The following GPC6 variants were observed in gnomAD, a reference collection of about 807,000 sequenced individuals.
GPC6 encodes glypican-6.
Under a neutral mutation model 55.2 loss-of-function variants are expected in GPC6, and 14 were observed. The ratio of observed to expected loss-of-function variants is 0.25; its 90% CI spans 0.17 to 0.40. GPC6 has a LOEUF of 0.40. Among genes scored for constraint, GPC6 ranks in the 10% least tolerant of loss-of-function variants. GPC6 has a pLI of 1.00. For missense variants in GPC6, 641 were observed against 708.5 expected (o/e 0.90, Z 1.08); for synonymous variants, 278 against 259.6 (o/e 1.07, Z -0.68).
intron 1 of GPC6, among the ~76,000 whole-genome samples, chr13:93,420,261 T>A (rs79474162): frequency 0.02 from 3,055 of 152,304 alleles, 118 homozygotes; most frequent in African/African-American, 0.069. Context: ...ATATATGTAT[T>A]CAAATGAAAA....
chr13:94,381,565 A>G lies in GPC6; in HGVS notation c.1153-849A>G, dbSNP rs184270370. Among the ~76,000 whole-genome samples, 683 of 152,272 alleles carry G rather than the reference A, an allele frequency of 4.5e-3. 2 individuals are homozygous for G. Among genetic ancestry groups the G allele is most frequent in the South Asian group, 0.01 (50 of 4,830 alleles). ...ACTTCTTTAGCTCTGTCATGACCCT[A>G]TCTCAAAATAAAGTCACATTCTGAG... On this transcript the variant is annotated intron_variant, in intron 6 of 8. Transcript: ENST00000377047.
chr13:93,435,633 G>A (rs1877543677), intron 1 of GPC6, among the ~76,000 whole-genome samples: 1 of 152,136 alleles, frequency 6.6e-6, no homozygotes, highest in African/African-American at 2.4e-5. Context: ...AGCAAAGCTT[G>A]CAGAGATCCT....
At chr13:94,267,181 G>C (rs568085531) in intron 4 of GPC6, among the ~76,000 whole-genome samples, 3 of 152,190 alleles carry the variant, frequency 2.0e-5, no homozygotes, top group East Asian at 3.9e-4. Flanking sequence ...GATGACTTAG[G>C]AGAAATGGGG....
chr13:93,308,939 C>T (rs1047062841), intron 1 of GPC6, among the ~76,000 whole-genome samples: 4 of 152,210 alleles, frequency 2.6e-5, no homozygotes, highest in Non-Finnish European at 5.9e-5. Context: ...TTAAACATTC[C>T]TGTTTGAGAG....
chr13:94,364,804 C>T (rs2139185354), intron 6 of GPC6, among the ~76,000 whole-genome samples: 1 of 152,128 alleles, frequency 6.6e-6, no homozygotes, highest in Middle Eastern at 3.4e-3. Flanking sequence ...AGTGACTATC[C>T]ATAAACAGAC....
At chr13:93,646,623 C>A (rs746309193) in intron 2 of GPC6, among the ~76,000 whole-genome samples, 4 of 152,038 alleles carry the variant, frequency 2.6e-5, no homozygotes, top group Non-Finnish European at 5.9e-5. Context: ...ATCCGGTAGT[C>A]CTTGAAGTCC....
chr13:93,515,056 TG>T (rs1274026922), intron 1 of GPC6, among the ~76,000 whole-genome samples: 6 of 152,176 alleles, frequency 3.9e-5, no homozygotes, highest in Admixed American at 3.9e-4. Context: ...GTAGTATCTG[TG>T]TGCCCCTACA....
chr13:93,771,349 C>T (rs1473527122), intron 2 of GPC6, among the ~76,000 whole-genome samples: 1 of 152,150 alleles, frequency 6.6e-6, no homozygotes. Flanking sequence ...CTAAATTATA[C>T]ATGACTGTTT....
rs1881276338 is a variant in GPC6, at chr13:94,404,221, CT to C, written c.*1005del. The C allele has an allele frequency of 6.6e-6, 1 of 151,844 alleles. No homozygotes were observed. Among genetic ancestry groups the C allele is most frequent in the South Asian group, 2.1e-4 (1 of 4,822 alleles). The allele number at this position is 151,844 out of a possible 1,614,324, so 9.4% of individuals were successfully genotyped here. A position where few individuals can be genotyped will look rare whatever the true frequency, so the allele number is the denominator to read the frequency against. ...TCCATTCCTGAGTTTTCATTTTTAA[CT>C]ATTTACTTTGTGTCAGTTGGTTTCT... On this transcript the variant is annotated 3_prime_UTR_variant, in exon 9 of 9. Coordinates refer to ENST00000377047, the MANE Select transcript of GPC6 (RefSeq NM_005708.5).
chr13:93,362,777 A>T (rs940016022), intron 1 of GPC6, among the ~76,000 whole-genome samples: 2 of 152,154 alleles, frequency 1.3e-5, no homozygotes, highest in Non-Finnish European at 2.9e-5. Context: ...TTCAGGAAAC[A>T]ACTGTGGTAC....
intron 1 of GPC6, among the ~76,000 whole-genome samples, chr13:93,494,780 T>C (rs1367557973): frequency 2.0e-5 from 3 of 149,992 alleles, no homozygotes; most frequent in African/African-American, 7.4e-5. Context: ...CCTTCACTTA[T>C]GAAGCTTAGT....
chr13:94,263,563 C>G (rs1891711775), intron 4 of GPC6, among the ~76,000 whole-genome samples: 1 of 152,064 alleles, frequency 6.6e-6, no homozygotes, highest in Non-Finnish European at 1.5e-5. Flanking sequence ...GAAAATGGCT[C>G]TTCCCTCTCA....
chr13:93,378,014 T>G (rs1874994472), intron 1 of GPC6, among the ~76,000 whole-genome samples: 1 of 152,244 alleles, frequency 6.6e-6, no homozygotes, highest in African/African-American at 2.4e-5. Context: ...AGCCCAATAT[T>G]TCTTTTTCTA....
intron 1 of GPC6, among the ~76,000 whole-genome samples, chr13:93,362,122 C>T (rs1459337447): frequency 6.6e-6 from 1 of 152,162 alleles, no homozygotes; most frequent in Admixed American, 6.6e-5. Flanking sequence ...AATATCTCTG[C>T]CAGTTCACCT....
intron 3 of GPC6, among the ~76,000 whole-genome samples, chr13:93,834,178 G>C (rs2138987750): frequency 6.6e-6 from 1 of 152,298 alleles, no homozygotes; most frequent in Non-Finnish European, 1.5e-5. Context: ...TAGACGTGTA[G>C]AAGAGTGTTT....
At chr13:94,143,155 A>G (rs1354350042) in intron 4 of GPC6, among the ~76,000 whole-genome samples, 4 of 151,908 alleles carry the variant, frequency 2.6e-5, no homozygotes, top group Non-Finnish European at 5.9e-5. Flanking sequence ...ATGAAAAAAA[A>G]AAAGATATAT....
chr13:93,238,899 C>T (rs1876332890), intron 1 of GPC6, among the ~76,000 whole-genome samples: 1 of 151,996 alleles, frequency 6.6e-6, no homozygotes, highest in Non-Finnish European at 1.5e-5. Context: ...CATTTGTTGA[C>T]TTGCATATGT....
intron 1 of GPC6, among the ~76,000 whole-genome samples, chr13:93,248,655 T>A (rs945560838): frequency 1.3e-5 from 2 of 152,168 alleles, no homozygotes; most frequent in South Asian, 4.1e-4. Flanking sequence ...ACTGAGCTGC[T>A]CATTACCTCC....
chr13:93,404,516 T>C (rs897606410), intron 1 of GPC6, among the ~76,000 whole-genome samples: 5 of 152,186 alleles, frequency 3.3e-5, no homozygotes, highest in African/African-American at 1.2e-4. Context: ...ATTTAAAATA[T>C]AAACAAGCAT....
Sources: allele counts gnomAD v4.1 joint callset (sites outside exome capture counted in the v4.1 genomes callset), GRCh38; gene constraint gnomAD v4.1.1; transcripts MANE v1.5; gene names NCBI Gene and HGNC (gene_info 2026-07-23, HGNC 2026-07-21).